PRR5: variants seen among roughly 807,000 people sequenced by gnomAD.
The protein encoded by PRR5 is proline rich 5, also known as proline-rich protein 5.
A neutral mutation model predicts 30.6 loss-of-function variants in PRR5; 25 were observed. That is an observed-to-expected ratio of 0.82 (90% CI 0.60 to 1.14). PRR5 has a LOEUF of 1.14. Ranked by LOEUF, PRR5 falls within the 50% of genes most tolerant of loss-of-function variation. The probability of loss-of-function intolerance (pLI) is 0.00; values close to 1 mark genes in which losing one functional copy is unlikely to be tolerated. For missense variants in PRR5, 600 were observed against 547.1 expected (o/e 1.10, Z -0.96); for synonymous variants, 286 against 247.1 (o/e 1.16, Z -1.48).
intron 1 of PRR5, among the ~76,000 whole-genome samples, chr22:44,689,708 G>A (rs1431157979): frequency 1.3e-5 from 2 of 152,168 alleles, no homozygotes; most frequent in Non-Finnish European, 2.9e-5. Flanking sequence ...GAGTGCAGTG[G>A]CGTGATCTCG....
rs553279741 is a variant in PRR5, at chr22:44,688,022, G to A, written c.-11+10782G>A. ...ACTCCTGACCTCAGGTGATCTGCCC[G>A]CCCTGGCCTCCCAAAGTGCTGGGAT... On this transcript the variant is annotated intron_variant, in intron 1 of 8. Transcript: ENST00000006251. Among the ~76,000 whole-genome samples, 7 of 151,418 alleles carry A rather than the reference G, an allele frequency of 4.6e-5. 1 individual carries two copies. In the South Asian group the frequency reaches 6.3e-4, roughly 14 times the overall value.
chr22:44,676,004 C>T (rs958119528), upstream of PRR5, among the ~76,000 whole-genome samples: 11 of 151,726 alleles, frequency 7.2e-5, no homozygotes, highest in Admixed American at 5.3e-4. Context: ...CCCCCATGAG[C>T]GGGGATCCTT....
In PRR5 at chr22:44,737,278, A is replaced by G. The variant is rs749687964; in HGVS notation, c.*31A>G. 3.7e-5 allele frequency: 58 copies of G among 1,571,206 alleles called. No homozygotes were observed. The highest frequency in any genetic ancestry group is 4.9e-5 in the Non-Finnish European group (57 of 1,154,886). On this transcript the variant is annotated 3_prime_UTR_variant, in exon 8 of 8. Coordinates refer to ENST00000336985, the MANE Select transcript of PRR5 (RefSeq NM_181333.4). ...CACAGCTGGCCTTGAGTTTTTACTG[A>G]CACGTCCCTGTGTGCGGGGGTGTCC...
At chr22:44,707,495 G>T (rs1466284059) in intron 1 of PRR5, among the ~76,000 whole-genome samples, 1 of 152,182 alleles carries the variant, frequency 6.6e-6, no homozygotes, top group Non-Finnish European at 1.5e-5. Context: ...CTGTGCTTGT[G>T]CCCTAGGCCT....
intron 1 of PRR5, among the ~76,000 whole-genome samples, chr22:44,712,147 C>T (rs1490656600): frequency 6.6e-6 from 1 of 152,140 alleles, no homozygotes; most frequent in African/African-American, 2.4e-5. Context: ...AGGGGTGGCG[C>T]TCTCACGATT....
chr22:44,704,907 G>T (rs189995912), intron 1 of PRR5, among the ~76,000 whole-genome samples: 1 of 152,310 alleles, frequency 6.6e-6, no homozygotes, highest in Admixed American at 6.5e-5. Context: ...AGGGAGCAGG[G>T]CACCCCTTCT....
intron 1 of PRR5, among the ~76,000 whole-genome samples, chr22:44,696,533 C>G (rs184071557): frequency 1.3e-5 from 2 of 152,194 alleles, no homozygotes; most frequent in East Asian, 3.9e-4. Flanking sequence ...GCCCCCTCCC[C>G]GGCCCCTAGA....
chr22:44,693,985 T>A (rs1925526315), intron 1 of PRR5, among the ~76,000 whole-genome samples: 1 of 152,018 alleles, frequency 6.6e-6, no homozygotes, highest in Admixed American at 6.6e-5. Context: ...CTTACTCCAG[T>A]ATGACCTCAT....
At chr22:44,699,919 T>C (rs1176631672), upstream of PRR5, among the ~76,000 whole-genome samples, 1 of 86,094 alleles carries the variant, frequency 1.2e-5, no homozygotes, top group Non-Finnish European at 2.2e-5. Flanking sequence ...TTATATGTTT[T>C]TTGTTGTTGT....
chr22:44,695,323 A>C (rs575931365), intron 1 of PRR5, among the ~76,000 whole-genome samples: 1 of 152,324 alleles, frequency 6.6e-6, no homozygotes, highest in South Asian at 2.1e-4. Context: ...TTAAAGGAAA[A>C]AGGAGGAGGA....
At chr22:44,724,854 A>C (rs1431970472) in intron 2 of PRR5, among the ~76,000 whole-genome samples, 2 of 152,202 alleles carry the variant, frequency 1.3e-5, no homozygotes, top group Non-Finnish European at 2.9e-5. Flanking sequence ...AGGCGGAGAG[A>C]GGAGGAGCCC....
chr22:44,674,160 CT>C (rs879281909), upstream of PRR5, among the ~76,000 whole-genome samples: 451 of 142,258 alleles, frequency 3.2e-3, no homozygotes, highest in Middle Eastern at 0.011. Context: ...GTTTTCTTTT[CT>C]TTTTTTTTTT....
Position 44,732,348 on chromosome 22 carries a change from C to T in PRR5, c.512C>T (p.Ala171Val). 6.2e-7 allele frequency: 1 copy of T among 1,611,606 alleles called. No homozygotes were observed. Among genetic ancestry groups the T allele is most frequent in the Admixed American group, 1.7e-5 (1 of 60,008 alleles). ...GAGGATGCGCTGGCCCGGGCCCATG[C>T]CCGTGTGCCCCCTGCCATCGTGCAG... ...KLEDALARAH[A>V]RVPPAIVQML... The change falls in exon 6 of 8, where the codon GCC (alanine) becomes GTC (valine). Residue 171 changes from alanine to valine, a missense_variant. Coordinates refer to ENST00000336985, the MANE Select transcript of PRR5 (RefSeq NM_181333.4).
intron 4 of PRR5, chr22:44,729,234 G>A (rs1336192929): frequency 6.8e-6 from 6 of 877,878 alleles, no homozygotes; most frequent in Non-Finnish European, 8.2e-6. Context: ...TCCACCCAGC[G>A]CGTGGCTTTT....
chr22:44,733,485 C>A (rs904541024), intron 6 of PRR5, among the ~76,000 whole-genome samples: 1 of 152,212 alleles, frequency 6.6e-6, no homozygotes, highest in African/African-American at 2.4e-5. Context: ...ACAGGGCAAC[C>A]AGAGCAAGGA....
rs530081259 is a variant in PRR5 at position 44,691,756 on chromosome 22, G to A, written c.-10-10736G>A. 2.6e-5 allele frequency among the ~76,000 whole-genome samples: 4 copies of A among 152,030 alleles called. No individual in the cohort carries two copies. In the South Asian group the frequency reaches 6.2e-4, roughly 24 times the overall value. On this transcript the variant is annotated intron_variant, in intron 1 of 8. Coordinates refer to the PRR5 transcript ENST00000006251. The surrounding 1 kb of genome is among the most constrained non-coding windows in gnomAD (Gnocchi z 4.4). ...ACCACTGCATTCCAGCCTGCGCGACGGGAGCAAGACTCCATCTCAAAAAAA... is the reference window on the plus strand; with the variant it reads ...ACCACTGCATTCCAGCCTGCGCGACAGGAGCAAGACTCCATCTCAAAAAAA...
rs970145200 is a variant in PRR5, at chr22:44,702,669, C to T, written c.134+61C>T. On this transcript the variant is annotated intron_variant, in intron 1 of 7. Transcript: ENST00000336985. Reference sequence around the variant, plus strand: ...GGAGCCGGGGGAGGGGACCCCTGAGCCGTCCGCGGGCTAGGGGCCGCCCCG... The same window carrying T: ...GGAGCCGGGGGAGGGGACCCCTGAGTCGTCCGCGGGCTAGGGGCCGCCCCG... The T allele has an allele frequency of 5.8e-5, 73 of 1,248,140 alleles. 1 individual carries two copies. In the African/African-American group the frequency reaches 9.8e-4, roughly 17 times the overall value. 77.3% of individuals were successfully genotyped at this position (1,248,140 alleles called of 1,614,324 possible). A position where few individuals can be genotyped will look rare whatever the true frequency, so the allele number is the denominator to read the frequency against.
chr22:44,693,469 T>A (rs1237208062), intron 1 of PRR5, among the ~76,000 whole-genome samples: 2 of 143,540 alleles, frequency 1.4e-5, no homozygotes, highest in African/African-American at 5.6e-5. Flanking sequence ...AAAAAAAAAG[T>A]GTCAGCAGAG....
rs149238292 is a variant in PRR5 at position 44,732,353 on chromosome 22, G to T, written c.517G>T (p.Val173Leu). 26 of 1,611,190 alleles carry T rather than the reference G, an allele frequency of 1.6e-5. No homozygotes were observed. Among genetic ancestry groups the T allele is most frequent in the Non-Finnish European group, 2.1e-5 (25 of 1,179,728 alleles). ...EDALARAHAR[V>L]PPAIVQMLLV... ...TGCGCTGGCCCGGGCCCATGCCCGT[G>T]TGCCCCCTGCCATCGTGCAGATGCT... is the stretch of plus-strand genomic sequence containing the variant. Residue 173 changes from valine (V) to leucine (L), a missense_variant, in exon 6 of 8, where the codon GTG (valine) becomes TTG (leucine). Coordinates refer to ENST00000336985, the MANE Select transcript of PRR5 (RefSeq NM_181333.4).
Sources: gnomAD v4.1 joint callset for allele counts (sites outside exome capture counted in the v4.1 genomes callset) on GRCh38, gnomAD v4.1.1 for gene constraint, Gnocchi (gnomAD v3.1) non-coding constraint, MANE v1.5 for transcripts, NCBI Gene and HGNC (gene_info 2026-07-23, HGNC 2026-07-21) for gene names.